ELAVL4: variants seen among roughly 807,000 people sequenced by gnomAD.
ELAVL4 encodes ELAV like RNA binding protein 4.
In ELAVL4, 1 loss-of-function variant was observed where a neutral mutation model predicts 35.6. The ratio of observed to expected loss-of-function variants is 0.03; its 90% CI spans 0.01 to 0.13. ELAVL4 has a LOEUF of 0.13. ELAVL4 is among the 10% of genes least tolerant of loss of function. The probability of loss-of-function intolerance (pLI) is 1.00; values close to 1 mark genes in which losing one functional copy is unlikely to be tolerated. For synonymous variants in ELAVL4, 156 were observed against 171.0 expected, an observed-to-expected ratio of 0.91 and a Z score of 0.69; for missense variants, 267 against 464.9, an observed-to-expected ratio of 0.57 and a Z score of 3.91.
chr1:50,064,174 A>G (rs3924554), intron 1 of ELAVL4, among the ~76,000 whole-genome samples: 272 of 152,300 alleles, frequency 1.8e-3, no homozygotes, highest in African/African-American at 6.4e-3. Context: ...AGGTGGCAAG[A>G]GGTACCCCTG....
At chr1:50,155,562 A>G (rs951905434) in intron 2 of ELAVL4, among the ~76,000 whole-genome samples, 1 of 152,152 alleles carries the variant, frequency 6.6e-6, no homozygotes, top group South Asian at 2.1e-4. Flanking sequence ...TTTTATTAAT[A>G]TAAGGTATAA....
At chr1:50,100,740 T>C (rs1387103945), upstream of ELAVL4, among the ~76,000 whole-genome samples, 3 of 152,248 alleles carry the variant, frequency 2.0e-5, no homozygotes, top group Non-Finnish European at 4.4e-5. Flanking sequence ...AATTTAGCAC[T>C]GAACTTTGCT....
rs188923995 is a variant in ELAVL4 at position 50,177,000 on chromosome 1, A to G, written c.251-89A>G. The G allele has an allele frequency of 3.7e-5, 41 of 1,095,702 alleles. No homozygotes were observed. The East Asian group carries it at 9.8e-4, about 26-fold the overall frequency. The allele number at this position is 1,095,702 out of a possible 1,614,324, so 67.9% of individuals were successfully genotyped here. ...CACTGCAGTGGGAAGTGTTGCCTCT[A>G]TAAAGATACTGAGCATGCTCTCTCT... On this transcript the variant is annotated intron_variant, in intron 2 of 6. Transcript: ENST00000371824.
chr1:50,179,049 C>T (rs1231725657), intron 3 of ELAVL4, among the ~76,000 whole-genome samples: 1 of 151,998 alleles, frequency 6.6e-6, no homozygotes, highest in Non-Finnish European at 1.5e-5. Flanking sequence ...AGATGTACCC[C>T]CTAGCCCATC....
chr1:50,064,032 G>A lies in ELAVL4; in HGVS notation c.18+15850G>A, dbSNP rs370449754. ...GAGTATGGTACATAGAACAAATGAG[G>A]AATCCCAGAGAAGGAAAAGCTTGTG... On this transcript the variant is annotated intron_variant, in intron 1 of 6. Coordinates refer to the ELAVL4 transcript ENST00000448907. 3.2e-4 allele frequency among the ~76,000 whole-genome samples: 49 copies of A among 152,256 alleles called. 1 individual carries two copies. In the South Asian group the frequency reaches 8.7e-3, roughly 27 times the overall value.
At position 50,201,705 on chromosome 1, in the gene ELAVL4, G is replaced by A. The variant is rs986426832; in HGVS notation, c.*527G>A. ...GGTAAAAACCCCCACACAAATTAAA[G>A]AGGAATAATAAAAATTGCAAAAATA... On this transcript the variant is annotated 3_prime_UTR_variant, in exon 7 of 7. Coordinates refer to ENST00000371824, the MANE Select transcript of ELAVL4 (RefSeq NM_001144774.3). This position sits in a 1 kb window ranked among gnomAD's most constrained non-coding sequence, Gnocchi z 4.3. 3 of 151,686 alleles carry A rather than the reference G, an allele frequency of 2.0e-5. No individual in the cohort carries two copies. Among genetic ancestry groups the A allele is most frequent in the African/African-American group, 7.3e-5 (3 of 41,306 alleles). 9.4% of individuals were successfully genotyped at this position (151,686 alleles called of 1,614,324 possible). A position where few individuals can be genotyped will look rare whatever the true frequency, so the allele number is the denominator to read the frequency against.
At chr1:50,102,242 C>CAA (rs2148514572), upstream of ELAVL4, among the ~76,000 whole-genome samples, 1 of 151,676 alleles carries the variant, frequency 6.6e-6, no homozygotes, top group African/African-American at 2.4e-5. Flanking sequence ...GCCGAGATGG[C>CAA]GCCACTGCAC....
chr1:50,137,883 A>G (rs1466331738), intron 1 of ELAVL4, among the ~76,000 whole-genome samples: 4 of 152,192 alleles, frequency 2.6e-5, no homozygotes, highest in Non-Finnish European at 5.9e-5. Flanking sequence ...TTCTAATAAT[A>G]TTAGCATCAG....
At chr1:50,177,274 G>T in intron 3 of ELAVL4, 82 bp downstream of exon 3, 1 of 1,054,928 alleles carries the variant, frequency 9.5e-7, no homozygotes, top group Non-Finnish European at 1.5e-6. Context: ...CAGGCTATGT[G>T]GGGGCTGGAA....
chr1:50,054,635 A>C (rs910267039), intron 1 of ELAVL4, among the ~76,000 whole-genome samples: 1 of 152,192 alleles, frequency 6.6e-6, no homozygotes, highest in African/African-American at 2.4e-5. Context: ...TTTACAGTTT[A>C]CAAAGTATTT....
At chr1:50,170,649 G>T (rs1220000873) in intron 2 of ELAVL4, among the ~76,000 whole-genome samples, 1 of 152,174 alleles carries the variant, frequency 6.6e-6, no homozygotes, top group Non-Finnish European at 1.5e-5. Flanking sequence ...GATTCAGTAG[G>T]TCTGGGATGG....
intron 2 of ELAVL4, among the ~76,000 whole-genome samples, chr1:50,148,579 A>C (rs1674156791): frequency 6.6e-6 from 1 of 152,154 alleles, no homozygotes; most frequent in Non-Finnish European, 1.5e-5. Context: ...CACTCACCAG[A>C]ATAATCCAGG....
At chr1:50,178,235 G>C (rs1234205074) in intron 3 of ELAVL4, among the ~76,000 whole-genome samples, 2 of 152,184 alleles carry the variant, frequency 1.3e-5, no homozygotes, top group African/African-American at 4.8e-5. Context: ...CAGGTCTGAC[G>C]CAAAGTAGGA....
chr1:50,166,994 CAAA>C (rs1229104029), intron 2 of ELAVL4, among the ~76,000 whole-genome samples: 1 of 152,056 alleles, frequency 6.6e-6, no homozygotes, highest in Admixed American at 6.5e-5. Flanking sequence ...GGAACAGGAA[CAAA>C]AATTTTGCTA....
intron 1 of ELAVL4, among the ~76,000 whole-genome samples, chr1:50,130,250 GA>G (rs1005626636): frequency 6.6e-6 from 1 of 152,114 alleles, no homozygotes; most frequent in East Asian, 1.9e-4. Flanking sequence ...ATTTCATAGT[GA>G]TAGGAAAAGT....
intron 1 of ELAVL4, among the ~76,000 whole-genome samples, chr1:50,072,858 C>A (rs1411973861): frequency 4.6e-5 from 7 of 152,014 alleles, no homozygotes; most frequent in Admixed American, 4.6e-4. Context: ...TCCCAAGGTA[C>A]CCCAGTTAAA....
chr1:50,185,497 A>G (rs976085490), intron 3 of ELAVL4, among the ~76,000 whole-genome samples: 1 of 152,216 alleles, frequency 6.6e-6, no homozygotes, highest in African/African-American at 2.4e-5. Context: ...GCCATAGTGG[A>G]AACATCCCAG....
chr1:50,064,037 C>T lies in ELAVL4; in HGVS notation c.18+15855C>T, dbSNP rs183251762. Among the ~76,000 whole-genome samples the T allele has an allele frequency of 1.4e-4, 21 of 152,062 alleles. 1 individual carries two copies. The highest frequency in any genetic ancestry group is 3.9e-4 in the Admixed American group (6 of 15,270). Reference sequence around the variant, plus strand: ...TGGTACATAGAACAAATGAGGAATCCCAGAGAAGGAAAAGCTTGTGCCAAG... The same window carrying T: ...TGGTACATAGAACAAATGAGGAATCTCAGAGAAGGAAAAGCTTGTGCCAAG... On this transcript the variant is annotated intron_variant, in intron 1 of 6. Coordinates refer to the ELAVL4 transcript ENST00000448907.
chr1:50,166,247 G>A (rs1227174904), intron 2 of ELAVL4, among the ~76,000 whole-genome samples: 7 of 152,116 alleles, frequency 4.6e-5, no homozygotes, highest in African/African-American at 1.7e-4. Flanking sequence ...CACATCTCTT[G>A]AGGTTATAAA....
Sources: gnomAD v4.1 joint callset for allele counts (sites outside exome capture counted in the v4.1 genomes callset) on GRCh38, gnomAD v4.1.1 for gene constraint, Gnocchi (gnomAD v3.1) non-coding constraint, MANE v1.5 for transcripts, NCBI Gene and HGNC (gene_info 2026-07-23, HGNC 2026-07-21) for gene names.